BMPR1B: variants seen among roughly 807,000 people sequenced by gnomAD.
The protein encoded by BMPR1B is bone morphogenetic protein receptor type-1B.
Under a neutral mutation model 59.1 loss-of-function variants are expected in BMPR1B, and 12 were observed. That is an observed-to-expected ratio of 0.20 (90% CI 0.13 to 0.33). The LOEUF (loss-of-function observed/expected upper bound fraction) is 0.33, where lower values mean the gene tolerates loss of function less well. BMPR1B is among the 10% of genes least tolerant of loss of function. The probability of loss-of-function intolerance (pLI) is 1.00; values close to 1 mark genes in which losing one functional copy is unlikely to be tolerated. For missense variants in BMPR1B, 550 were observed against 610.9 expected, an observed-to-expected ratio of 0.90 and a Z score of 1.05; for synonymous variants, 237 against 207.3, an observed-to-expected ratio of 1.14 and a Z score of -1.23.
intron 3 of BMPR1B, among the ~76,000 whole-genome samples, chr4:95,002,727 G>A (rs1722540506): frequency 6.6e-6 from 1 of 151,976 alleles, no homozygotes; most frequent in Admixed American, 6.6e-5. Context: ...AAAAAGCCTG[G>A]TTATCCCTTT....
intron 2 of BMPR1B, among the ~76,000 whole-genome samples, chr4:94,896,602 A>G (rs1047301300): frequency 9.2e-5 from 14 of 152,088 alleles, no homozygotes; most frequent in African/African-American, 3.4e-4. Flanking sequence ...AATTGGTTCT[A>G]TAATCCTGAA....
In BMPR1B at chr4:94,846,177, G is replaced by A. The variant is rs910656667; in HGVS notation, c.-182-29654G>A. On this transcript the variant is annotated intron_variant, in intron 1 of 12. Coordinates refer to ENST00000515059, the MANE Select transcript of BMPR1B (RefSeq NM_001203.3). ...AAATCCATACATCTACAGTGAACTC[G>A]TTTTTGACAGGGGTGCCAAGAACAC... is the stretch of plus-strand genomic sequence containing the variant. Among the ~76,000 whole-genome samples the A allele has an allele frequency of 5.3e-5, 8 of 152,264 alleles. No individual in the cohort carries two copies. In the East Asian group the frequency reaches 9.7e-4, roughly 18 times the overall value.
chr4:94,847,920 T>A (rs1725402969), intron 1 of BMPR1B, among the ~76,000 whole-genome samples: 1 of 152,172 alleles, frequency 6.6e-6, no homozygotes, highest in Non-Finnish European at 1.5e-5. Flanking sequence ...TAAAAGAGTA[T>A]AATTGGATTT....
At chr4:95,059,310 T>TTA (rs374460679) in intron 3 of BMPR1B, among the ~76,000 whole-genome samples, 11 of 152,244 alleles carry the variant, frequency 7.2e-5, no homozygotes, top group East Asian at 3.9e-4. Flanking sequence ...CATATGTTTC[T>TTA]TATATATATA....
At chr4:94,887,966 A>T (rs1727248636) in intron 2 of BMPR1B, among the ~76,000 whole-genome samples, 1 of 152,110 alleles carries the variant, frequency 6.6e-6, no homozygotes, top group Non-Finnish European at 1.5e-5. Context: ...AATGATCATA[A>T]AATTCTAAGG....
At chr4:95,120,353 A>G (rs1732384048) in intron 6 of BMPR1B, among the ~76,000 whole-genome samples, 1 of 152,216 alleles carries the variant, frequency 6.6e-6, no homozygotes, top group South Asian at 2.1e-4. Context: ...TCTTTTTGGC[A>G]TATTCCTTTG....
At chr4:95,034,326 G>A (rs1255909401) in intron 3 of BMPR1B, among the ~76,000 whole-genome samples, 1 of 151,938 alleles carries the variant, frequency 6.6e-6, no homozygotes, top group Non-Finnish European at 1.5e-5. Flanking sequence ...GGTGGTTTTT[G>A]CTTGCATAGA....
At chr4:95,114,627 T>G in intron 4 of BMPR1B, 93 bp from the exon 5 acceptor site, 1 of 1,061,894 alleles carries the variant, frequency 9.4e-7, no homozygotes, top group Non-Finnish European at 1.5e-6. Context: ...TACACATCAC[T>G]TATTTCCTTT....
chr4:95,073,415 CT>C (rs1280897894), intron 3 of BMPR1B, among the ~76,000 whole-genome samples: 6 of 152,160 alleles, frequency 3.9e-5, no homozygotes, highest in Admixed American at 6.6e-5. Context: ...TGTGAAAACC[CT>C]TTTTTTATGA....
At chr4:95,130,996 C>T (rs1385768343) in intron 9 of BMPR1B, among the ~76,000 whole-genome samples, 3 of 152,022 alleles carry the variant, frequency 2.0e-5, no homozygotes, top group African/African-American at 7.3e-5. Context: ...TCCCGATGTG[C>T]TTGGATTACA....
At chr4:94,862,662 T>G (rs1194056298) in intron 1 of BMPR1B, among the ~76,000 whole-genome samples, 1 of 150,982 alleles carries the variant, frequency 6.6e-6, no homozygotes, top group Non-Finnish European at 1.5e-5. Flanking sequence ...GAAAATTAGC[T>G]GGGCCGGGCG....
At chr4:95,051,849 A>C (rs778273346) in intron 3 of BMPR1B, 109 of 1,429,428 alleles carry the variant, frequency 7.6e-5, no homozygotes, top group Non-Finnish European at 8.9e-5. Context: ...TTATCGCAGA[A>C]GGGAAAGTTC....
At chr4:95,033,002 T>G (rs1724987845) in intron 3 of BMPR1B, among the ~76,000 whole-genome samples, 1 of 152,186 alleles carries the variant, frequency 6.6e-6, no homozygotes, top group East Asian at 1.9e-4. Context: ...TTTGTGTTTT[T>G]GATAGTACCC....
intron 2 of BMPR1B, among the ~76,000 whole-genome samples, chr4:94,995,078 T>C (rs1721977713): frequency 6.6e-6 from 1 of 152,142 alleles, no homozygotes; most frequent in African/African-American, 2.4e-5. Flanking sequence ...GTAAAAAATA[T>C]GGGCTGATTT....
intron 2 of BMPR1B, among the ~76,000 whole-genome samples, chr4:94,925,116 T>C (rs1728836149): frequency 6.6e-6 from 1 of 152,070 alleles, no homozygotes; most frequent in Non-Finnish European, 1.5e-5. Context: ...AAATCAGAAA[T>C]TGGTCAATCT....
chr4:95,089,776 A>G (rs1729846023), intron 3 of BMPR1B, among the ~76,000 whole-genome samples: 1 of 152,108 alleles, frequency 6.6e-6, no homozygotes, highest in Non-Finnish European at 1.5e-5. Context: ...TCTTCTTCCT[A>G]CAAATCAAAG....
At chr4:95,005,393 T>C (rs1722749032) in intron 3 of BMPR1B, among the ~76,000 whole-genome samples, 1 of 152,030 alleles carries the variant, frequency 6.6e-6, no homozygotes, top group Admixed American at 6.6e-5. Flanking sequence ...ATAAGGCATG[T>C]AGAACACACA....
chr4:94,924,366 AGT>A (rs886349267), intron 2 of BMPR1B, among the ~76,000 whole-genome samples: 24 of 152,228 alleles, frequency 1.6e-4, no homozygotes, highest in African/African-American at 5.8e-4. Flanking sequence ...TAAAACTTGG[AGT>A]AGTTGGAGAA....
intron 1 of BMPR1B, among the ~76,000 whole-genome samples, chr4:94,805,403 G>T (rs1723569304): frequency 6.6e-6 from 1 of 152,092 alleles, no homozygotes; most frequent in African/African-American, 2.4e-5. Context: ...TTCATTTGCT[G>T]AAAGGAAGTG....
Sources: gnomAD v4.1 joint callset for allele counts (sites outside exome capture counted in the v4.1 genomes callset) on GRCh38, gnomAD v4.1.1 for gene constraint, MANE v1.5 for transcripts, NCBI Gene and HGNC (gene_info 2026-07-23, HGNC 2026-07-21) for gene names.